LPAR1: variants seen among roughly 807,000 people sequenced by gnomAD.
The protein encoded by LPAR1 is LPA receptor 1.
LPAR1 carries 5 observed loss-of-function variants against 23.8 expected under a neutral mutation model. The observed-to-expected ratio is 0.21, with a 90% CI of 0.11 to 0.44. The LOEUF (loss-of-function observed/expected upper bound fraction) is 0.44, where lower values mean the gene tolerates loss of function less well. Among genes scored for constraint, LPAR1 ranks in the 20% least tolerant of loss-of-function variants. The pLI is 0.99. For missense variants in LPAR1, 311 were observed against 482.8 expected (o/e 0.64, Z 3.33); for synonymous variants, 160 against 164.7 (o/e 0.97, Z 0.22).
At chr9:110,922,963 A>AT (rs2093742939) in intron 5 of LPAR1, among the ~76,000 whole-genome samples, 2 of 151,600 alleles carry the variant, frequency 1.3e-5, no homozygotes, top group Non-Finnish European at 2.9e-5. Flanking sequence ...CACATTGGGT[A>AT]TTTCTCCTAA....
chr9:111,015,356 T>G (rs567159828), intron 2 of LPAR1, among the ~76,000 whole-genome samples: 16 of 152,278 alleles, frequency 1.1e-4, no homozygotes, highest in African/African-American at 3.6e-4. Context: ...AATAGCCAAG[T>G]TGCATCAATT....
intron 5 of LPAR1, among the ~76,000 whole-genome samples, chr9:110,912,801 C>T (rs902233901): frequency 2.7e-5 from 4 of 147,760 alleles, no homozygotes; most frequent in Admixed American, 2.0e-4. Flanking sequence ...TCTGTTCTTC[C>T]TTCTTCACCC....
In LPAR1 at chr9:110,887,927, TATTTTA is replaced by T. The variant is rs370772009; in HGVS notation, c.794-12211_794-12206del. On this transcript the variant is annotated intron_variant, in intron 5 of 5. Transcript: ENST00000683809. ...ATGTGCAAAGATTTGCAGTATTCTTTATTTTAAAAGCTGTAAATAACTTAAATAAGC... is the reference window on the plus strand; with the variant it reads ...ATGTGCAAAGATTTGCAGTATTCTTTAAAGCTGTAAATAACTTAAATAAGC... 5.7e-3 allele frequency among the ~76,000 whole-genome samples: 865 copies of T among 152,334 alleles called. 12 individuals are homozygous for T. The highest frequency in any genetic ancestry group is 0.02 in the African/African-American group (823 of 41,580).
intron 2 of LPAR1, among the ~76,000 whole-genome samples, chr9:111,016,890 T>C (rs976607036): frequency 6.6e-6 from 1 of 152,242 alleles, no homozygotes; most frequent in Non-Finnish European, 1.5e-5. Flanking sequence ...CATTAACCTA[T>C]ATTGAGCAAT....
intron 5 of LPAR1, among the ~76,000 whole-genome samples, chr9:110,918,855 A>G (rs2093402930): frequency 6.6e-6 from 1 of 152,096 alleles, no homozygotes; most frequent in Non-Finnish European, 1.5e-5. Context: ...AACAACATCA[A>G]TTCCTTTAAA....
rs55748505 is a variant in LPAR1, at chr9:110,982,861, TACACACACACACACACACAC to T, written c.-181-9323_-181-9304del. Among the ~76,000 whole-genome samples, 8 of 140,090 alleles carry T rather than the reference TACACACACACACACACACAC, an allele frequency of 5.7e-5. No individual in the cohort carries two copies. The East Asian group carries it at 1.7e-3, about 31-fold the overall frequency. 91.9% of individuals were successfully genotyped at this position (140,090 alleles called of 152,430 possible). ...ACTTCTACAAAAATGTATATACACATACACACACACACACACACACACACACACACACACACGGCCAAACA... is the reference window on the plus strand; with the variant it reads ...ACTTCTACAAAAATGTATATACACATACACACACACACACACGGCCAAACA... On this transcript the variant is annotated intron_variant, in intron 2 of 5. Coordinates refer to ENST00000683809, the MANE Select transcript of LPAR1 (RefSeq NM_001351411.2).
intron 4 of LPAR1, among the ~76,000 whole-genome samples, chr9:110,966,197 T>C (rs553100436): frequency 6.6e-6 from 1 of 151,794 alleles, no homozygotes; most frequent in Non-Finnish European, 1.5e-5. Context: ...ACCTAGATGA[T>C]GGGCCGGGCA....
At chr9:110,905,765 T>A (rs2134083811) in intron 5 of LPAR1, among the ~76,000 whole-genome samples, 1 of 152,326 alleles carries the variant, frequency 6.6e-6, no homozygotes, top group Admixed American at 6.5e-5. Flanking sequence ...GCTCTATACA[T>A]TTCCTCAGTC....
At chr9:110,985,984 T>C (rs1286373076) in intron 2 of LPAR1, among the ~76,000 whole-genome samples, 1 of 152,060 alleles carries the variant, frequency 6.6e-6, no homozygotes, top group East Asian at 1.9e-4. Flanking sequence ...GAATGAGATC[T>C]ACATTTTAAG....
At chr9:110,989,409 C>T (rs866938769) in intron 2 of LPAR1, among the ~76,000 whole-genome samples, 41 of 152,140 alleles carry the variant, frequency 2.7e-4, no homozygotes, top group African/African-American at 8.9e-4. Context: ...TTAAATTATA[C>T]CTCAATAAAG....
chr9:110,903,652 G>C (rs1225602086), intron 5 of LPAR1, among the ~76,000 whole-genome samples: 1 of 152,004 alleles, frequency 6.6e-6, no homozygotes, highest in African/African-American at 2.4e-5. Flanking sequence ...TCAAGGACTT[G>C]TAGCACAATA....
At position 110,884,364 on chromosome 9, in the gene LPAR1, A is replaced by G. The variant is rs938777826; in HGVS notation, c.794-8642T>C. Among the ~76,000 whole-genome samples, 100 of 152,292 alleles carry G rather than the reference A, an allele frequency of 6.6e-4. 1 individual carries two copies. Among genetic ancestry groups the G allele is most frequent in the African/African-American group, 2.1e-3 (89 of 41,570 alleles). On this transcript the variant is annotated intron_variant, in intron 5 of 5. Transcript: ENST00000683809. The stretch of plus-strand genomic sequence containing the variant: ...AAAAATCCCTTTGTAATATGCTCTC[A>G]GCACTATAAAACACTCCATGGTAGA...
chr9:110,976,258 C>T (rs971879148), intron 2 of LPAR1, among the ~76,000 whole-genome samples: 1 of 149,856 alleles, frequency 6.7e-6, no homozygotes, highest in South Asian at 2.1e-4. Context: ...TTTGAGACGC[C>T]GATGTGGGTG....
intron 2 of LPAR1, among the ~76,000 whole-genome samples, chr9:111,032,363 T>C (rs1293291329): frequency 6.6e-6 from 1 of 152,144 alleles, no homozygotes; most frequent in African/African-American, 2.4e-5. Flanking sequence ...TGCCCCCGCT[T>C]GGTGCTCCCG....
intron 5 of LPAR1, among the ~76,000 whole-genome samples, chr9:110,884,442 C>G (rs2081790832): frequency 2.0e-5 from 3 of 152,144 alleles, no homozygotes; most frequent in Admixed American, 2.0e-4. Context: ...TTGTTTACTT[C>G]TGTCATCAGA....
At chr9:110,962,979 A>G (rs887505549) in intron 4 of LPAR1, among the ~76,000 whole-genome samples, 3 of 152,252 alleles carry the variant, frequency 2.0e-5, no homozygotes, top group Non-Finnish European at 4.4e-5. Flanking sequence ...GCAAAGCTGC[A>G]ACAAAAGTTC....
At chr9:110,909,613 T>C (rs2092066062) in intron 5 of LPAR1, among the ~76,000 whole-genome samples, 1 of 152,240 alleles carries the variant, frequency 6.6e-6, no homozygotes, top group Admixed American at 6.5e-5. Flanking sequence ...TGTGCTCACT[T>C]GGTGTCTGTG....
chr9:110,949,805 A>G (rs1289689651), intron 4 of LPAR1, among the ~76,000 whole-genome samples: 1 of 152,212 alleles, frequency 6.6e-6, no homozygotes, highest in Non-Finnish European at 1.5e-5. Flanking sequence ...GGGTGTGTGT[A>G]TATATGACTA....
In LPAR1 at chr9:110,978,755, G is replaced by C. The variant is rs371945612; in HGVS notation, c.-181-5197C>G. The stretch of plus-strand genomic sequence containing the variant: ...CTGAGACGGAAAGATTTTTCTCTCT[G>C]GAATCTGAGCAGATGAATAGGTTTA... On this transcript the variant is annotated intron_variant, in intron 2 of 5. Coordinates refer to ENST00000683809, the MANE Select transcript of LPAR1 (RefSeq NM_001351411.2). Among the ~76,000 whole-genome samples the C allele has an allele frequency of 1.1e-4, 17 of 152,264 alleles. No homozygotes were observed. The East Asian group carries it at 2.5e-3, about 22-fold the overall frequency.
Sources: gnomAD v4.1 joint callset for allele counts (sites outside exome capture counted in the v4.1 genomes callset) on GRCh38, gnomAD v4.1.1 for gene constraint, MANE v1.5 for transcripts, NCBI Gene and HGNC (gene_info 2026-07-23, HGNC 2026-07-21) for gene names.